Variants in INTS1 observed in about 807,000 individuals in gnomAD.
INTS1 encodes the protein integrator complex subunit 1.
A neutral mutation model predicts 241.6 loss-of-function variants in INTS1; 137 were observed. The observed-to-expected ratio is 0.57, with a 90% CI of 0.49 to 0.65. INTS1 has a LOEUF of 0.65. INTS1 is among the 30% of genes least tolerant of loss of function. The probability of loss-of-function intolerance (pLI) is 0.00; values close to 1 mark genes in which losing one functional copy is unlikely to be tolerated. For synonymous variants in INTS1, 1,692 were observed against 1,337.8 expected (o/e 1.26, Z -5.78); for missense variants, 3,073 against 3,032.2 (o/e 1.01, Z -0.32).
intron 3 of INTS1, 42 bp from the exon 4 acceptor site, chr7:1,500,408 G>A (rs1226614167): frequency 6.7e-7 from 1 of 1,495,080 alleles, no homozygotes; most frequent in Non-Finnish European, 8.9e-7. Context: ...GGCCAGGGCA[G>A]GGTCACCCCA....
intron 1 of INTS1, 28 bp from the exon 2 acceptor site, chr7:1,504,029 C>A: frequency 8.5e-7 from 1 of 1,170,184 alleles, no homozygotes; most frequent in Non-Finnish European, 1.2e-6. Flanking sequence ...TGCGGTCATT[C>A]CTTCACTCAT....
rs1016312860 is a variant in INTS1 at position 1,473,614 on chromosome 7, T to C, written c.5909A>G (p.Asn1970Ser). 1.9e-6 allele frequency: 3 copies of C among 1,612,346 alleles called. No individual in the cohort carries two copies. The highest frequency in any genetic ancestry group is 2.2e-5 in the East Asian group (1 of 44,832). Reference protein sequence around the residue: ...VQFIHKYITYNAPAAISFLQK... With the variant: ...VQFIHKYITYSAPAAISFLQK... ...CAGGAAGGAGATGGCTGCTGGGGCA[T>C]TGTAGGTAATGTACTTATGGATGAA... The change falls in exon 42 of 48, where the codon AAT (asparagine) becomes AGT (serine). Residue 1970 changes from asparagine to serine, a missense_variant. Transcript: ENST00000404767.
chr7:1,473,123 G>A lies in INTS1; in HGVS notation c.6019C>T (p.Leu2007=), dbSNP rs901455458. 6.2e-7 allele frequency: 1 copy of A among 1,612,190 alleles called. No individual in the cohort carries two copies. Among genetic ancestry groups the A allele is most frequent in the Non-Finnish European group, 8.5e-7 (1 of 1,179,418 alleles). The stretch of plus-strand genomic sequence containing the variant: ...TCGGTCCTGTCGTCCCTGCTGGGCA[G>A]GCTGAGCCCTGCAAGGAGGGATTTC... The part of the protein sequence containing the change: ...MLKSLLAGLS[L]PSRDDRTDRG... The change falls in exon 43 of 48, where the codon CTG becomes TTG. Residue 2007 remains leucine, a synonymous_variant. Transcript: ENST00000404767.
rs567353108 is a variant in INTS1, at chr7:1,473,756, C to T, written c.5830-63G>A. The T allele has an allele frequency of 4.9e-5, 78 of 1,587,990 alleles. No individual in the cohort carries two copies. The Admixed American group carries it at 6.0e-4, about 12-fold the overall frequency. On this transcript the variant is annotated intron_variant, in intron 41 of 47. Coordinates refer to ENST00000404767, the MANE Select transcript of INTS1 (RefSeq NM_001080453.3). ...CCGCAGGGCCAAAACAGAGCCTGTG[C>T]TCCCATCTGCTCCCAGAGCCTCAGG...
At chr7:1,482,459 G>A (rs995127283) in intron 27 of INTS1, 87 bp downstream of exon 27, 30 of 1,371,456 alleles carry the variant, frequency 2.2e-5, no homozygotes, top group East Asian at 7.1e-5. Flanking sequence ...TGCCACAGCC[G>A]GAGGCTGCCC....
chr7:1,493,830 C>T lies in INTS1; in HGVS notation c.1992G>A (p.Glu664=). ...TGGCGTCCGCAGGCCCGAGCGGGAG[C>T]TCCCGGGACAGCCCGATGACCAGGA... is the stretch of plus-strand genomic sequence containing the variant. ...MRILVIGLSR[E]LPLGPADAME... The change falls in exon 15 of 48, where the codon GAG becomes GAA. Residue 664 remains glutamate (E), a synonymous_variant. Coordinates refer to ENST00000404767, the MANE Select transcript of INTS1 (RefSeq NM_001080453.3). This position sits in a 1 kb window ranked among gnomAD's most constrained non-coding sequence, Gnocchi z 5.3. 8 of 1,572,744 alleles carry T rather than the reference C, an allele frequency of 5.1e-6. No individual in the cohort carries two copies. The highest frequency in any genetic ancestry group is 2.4e-5 in the East Asian group (1 of 42,180).
At chr7:1,479,041 G>A (rs1253070913) in intron 31 of INTS1, among the ~76,000 whole-genome samples, 156 bp from the exon 32 acceptor site, 1 of 152,206 alleles carries the variant, frequency 6.6e-6, no homozygotes, top group Non-Finnish European at 1.5e-5. Flanking sequence ...CTGAAACGGT[G>A]CCTCCCCTGC....
In INTS1 at chr7:1,473,629, T is replaced by G. The variant is rs1296159794; in HGVS notation, c.5894A>C (p.Lys1965Thr). 2 of 1,613,254 alleles carry G rather than the reference T, an allele frequency of 1.2e-6. 1 individual carries two copies. The highest frequency in any genetic ancestry group is 1.7e-6 in the Non-Finnish European group (2 of 1,179,722). ...TGCTGGGGCATTGTAGGTAATGTAC[T>G]TATGGATGAACTGCACAAACTTGTT... ...FINKFVQFIH[K>T]YITYNAPAAI... Residue 1965 changes from lysine (K) to threonine (T), a missense_variant, in exon 42 of 48, where the codon AAG becomes ACG. Physicochemically the swap from Lys to Thr is moderately conservative, Grantham distance 78. Transcript: ENST00000404767.
chr7:1,474,658 C>T lies in INTS1; in HGVS notation c.5636+47G>A, dbSNP rs769770263. 5 of 1,528,828 alleles carry T rather than the reference C, an allele frequency of 3.3e-6. No individual in the cohort carries two copies. In the South Asian group the frequency reaches 4.8e-5, roughly 15 times the overall value. 94.7% of individuals were successfully genotyped at this position (1,528,828 alleles called of 1,614,324 possible). ...CCCAGGCTGGAGAGCCGCAGACCCC[C>T]CTGGTTAAACCAGTGTCTGGCGAGG... is the stretch of plus-strand genomic sequence containing the variant. On this transcript the variant is annotated intron_variant, in intron 40 of 47. Coordinates refer to ENST00000404767, the MANE Select transcript of INTS1 (RefSeq NM_001080453.3).
rs376943505 is a variant in INTS1 at position 1,476,686 on chromosome 7, G to A, written c.5064-29C>T. Reference sequence around the variant, plus strand: ...TGGGGAGGCAAAGGTTCCAGAGCACGAGGTGTCTCGTCTCAGCATGGGAGA... The same window carrying A: ...TGGGGAGGCAAAGGTTCCAGAGCACAAGGTGTCTCGTCTCAGCATGGGAGA... On this transcript the variant is annotated intron_variant, in intron 36 of 47. Transcript: ENST00000404767. 197 of 1,612,182 alleles carry A rather than the reference G, an allele frequency of 1.2e-4. 1 individual carries two copies. The highest frequency in any genetic ancestry group is 3.3e-4 in the Middle Eastern group (2 of 6,082).
chr7:1,485,030 G>A, intron 24 of INTS1, 68 bp downstream of exon 24: 3 of 452,538 alleles, frequency 6.6e-6, no homozygotes. Flanking sequence ...CCCCTCCCCA[G>A]GGCCACACTG....
intron 40 of INTS1, 32 bp downstream of exon 40, chr7:1,474,673 G>C (rs771833353): frequency 7.1e-6 from 11 of 1,544,920 alleles, no homozygotes; most frequent in Admixed American, 3.9e-5. Flanking sequence ...TTAAACCAGT[G>C]TCTGGCGAGG....
chr7:1,476,907 C>T lies in INTS1; in HGVS notation c.4950G>A (p.Gln1650=). ...AGGGACGGAACGAGGGCACCTGGGC[C>T]TGACCTTTGCCCTGGGGAGGGAGGA... is the stretch of plus-strand genomic sequence containing the variant. ...LLFSRRKGKG[Q]AQVPSFRPYL... The change falls in exon 36 of 48, where the codon CAG becomes CAA. Residue 1650 remains glutamine (Q), a synonymous_variant. Transcript: ENST00000404767. 1 of 1,611,122 alleles carries T rather than the reference C, an allele frequency of 6.2e-7. No homozygotes were observed. Among genetic ancestry groups the T allele is most frequent in the Non-Finnish European group, 8.5e-7 (1 of 1,179,458 alleles).
Position 1,487,457 on chromosome 7 carries a change from CCACAGGGGA to C in INTS1, c.2517-17_2517-9del, listed in dbSNP as rs1053016432. The C allele has an allele frequency of 1.2e-6, 2 of 1,609,658 alleles. No homozygotes were observed. Among genetic ancestry groups the C allele is most frequent in the African/African-American group, 1.3e-5 (1 of 74,860 alleles). On this transcript the variant is annotated splice_polypyrimidine_tract_variant and intron_variant, in intron 19 of 47. Transcript: ENST00000404767. ...GGCCTCCGGGGGGGCCCCCTGAGGG[CCACAGGGGA>C]CACGGTGCGTCAGCACGCCCTGAGC...
At chr7:1,477,975 G>C in intron 33 of INTS1, 39 bp from the exon 34 acceptor site, 1 of 1,585,172 alleles carries the variant, frequency 6.3e-7, no homozygotes, top group South Asian at 1.1e-5. Flanking sequence ...TCACTCCCAG[G>C]TCGGGTGGGG....
chr7:1,484,061 A>G lies in INTS1; in HGVS notation c.3371T>C (p.Phe1124Ser), dbSNP rs1194856470. ...DAVLSALLSI[F>S]SRYVRRMRQS... is the part of the protein sequence containing the mutation. ...CCGCATGCGCCTCACGTAGCGTGAGAAGATGGACAACAGAGCGCTCAGCAC... is the reference window on the plus strand; with the variant it reads ...CCGCATGCGCCTCACGTAGCGTGAGGAGATGGACAACAGAGCGCTCAGCAC... The change falls in exon 25 of 48, where the codon TTC becomes TCC. Residue 1124 changes from phenylalanine to serine, a missense_variant. Phe to Ser is a radical substitution (Grantham distance 155). Coordinates refer to ENST00000404767, the MANE Select transcript of INTS1 (RefSeq NM_001080453.3). 1.2e-6 allele frequency: 2 copies of G among 1,612,548 alleles called. No individual in the cohort carries two copies. The highest frequency in any genetic ancestry group is 1.7e-6 in the Non-Finnish European group (2 of 1,179,726).
intron 35 of INTS1, among the ~76,000 whole-genome samples, chr7:1,477,229 C>A (rs1239440065): frequency 6.6e-6 from 1 of 152,218 alleles, no homozygotes; most frequent in African/African-American, 2.4e-5. Context: ...GGCCACAGCC[C>A]CATTCCCTTT....
At chr7:1,473,231 G>A (rs1174446474) in intron 42 of INTS1, 47 bp from the exon 43 acceptor site, 1 of 1,400,962 alleles carries the variant, frequency 7.1e-7, no homozygotes, top group Non-Finnish European at 1.0e-6. Context: ...GCTGGCAGGA[G>A]GAAGGCTGGG....
At chr7:1,484,841 G>A (rs1365526015) in intron 24 of INTS1, among the ~76,000 whole-genome samples, 2 of 152,130 alleles carry the variant, frequency 1.3e-5, no homozygotes, top group African/African-American at 4.8e-5. Flanking sequence ...CAGCCGTGAC[G>A]GCCCTCCCAC....
Sources: allele counts gnomAD v4.1 joint callset (sites outside exome capture counted in the v4.1 genomes callset), GRCh38; gene constraint gnomAD v4.1.1; non-coding constraint Gnocchi (gnomAD v3.1); transcripts MANE v1.5; gene names NCBI Gene and HGNC (gene_info 2026-07-23, HGNC 2026-07-21).